NOVA1: variants seen among roughly 807,000 people sequenced by gnomAD.
NOVA1 encodes RNA-binding protein Nova-1.
In NOVA1, 7 loss-of-function variants were observed where a neutral mutation model predicts 38.0. The observed-to-expected ratio is 0.18, with a 90% CI of 0.10 to 0.35. NOVA1 has a LOEUF of 0.35. Ranked by LOEUF, NOVA1 falls within the 10% of genes least tolerant of loss-of-function variation. The probability of loss-of-function intolerance (pLI) is 1.00; values close to 1 mark genes in which losing one functional copy is unlikely to be tolerated. For synonymous variants in NOVA1, 270 were observed against 232.5 expected (o/e 1.16, Z -1.47); for missense variants, 460 against 616.0 (o/e 0.75, Z 2.68).
At chr14:26,591,757 A>C (rs1448587280) in intron 2 of NOVA1, among the ~76,000 whole-genome samples, 1 of 151,658 alleles carries the variant, frequency 6.6e-6, no homozygotes, top group East Asian at 1.9e-4. Flanking sequence ...TTCCCTACAA[A>C]AAAATTTCAC....
chr14:26,515,522 CTTTG>C (rs1301009521), intron 2 of NOVA1, among the ~76,000 whole-genome samples: 1 of 151,930 alleles, frequency 6.6e-6, no homozygotes, highest in African/African-American at 2.4e-5. Context: ...ACTCCAAATA[CTTTG>C]TTTAATAAAA....
intron 2 of NOVA1, among the ~76,000 whole-genome samples, chr14:26,491,678 T>G (rs1886360827): frequency 6.6e-6 from 1 of 152,186 alleles, no homozygotes. Flanking sequence ...AATCCAGGTG[T>G]CCCAACAACA....
At chr14:26,518,989 A>T in intron 2 of NOVA1, among the ~76,000 whole-genome samples, 1 of 152,090 alleles carries the variant, frequency 6.6e-6, no homozygotes, top group East Asian at 1.9e-4. Flanking sequence ...CTTCAGAAGG[A>T]AATACCTGGG....
intron 2 of NOVA1, among the ~76,000 whole-genome samples, chr14:26,492,248 T>C (rs1886403075): frequency 6.6e-6 from 1 of 152,230 alleles, no homozygotes; most frequent in Admixed American, 6.5e-5. Context: ...ATTTATTAGC[T>C]CTAGTGGCTT....
chr14:26,524,785 C>G (rs1889180570), intron 2 of NOVA1, among the ~76,000 whole-genome samples: 1 of 152,100 alleles, frequency 6.6e-6, no homozygotes, highest in Non-Finnish European at 1.5e-5. Context: ...AAGGGCATAA[C>G]TCAAGTAATC....
intron 2 of NOVA1, among the ~76,000 whole-genome samples, chr14:26,509,429 G>T (rs1421826721): frequency 6.6e-6 from 1 of 152,104 alleles, no homozygotes; most frequent in African/African-American, 2.4e-5. Context: ...ATTGTCAAAA[G>T]TTAGCAATTA....
At chr14:26,523,494 T>C (rs546347163) in intron 2 of NOVA1, among the ~76,000 whole-genome samples, 2 of 152,310 alleles carry the variant, frequency 1.3e-5, no homozygotes, top group South Asian at 4.1e-4. Flanking sequence ...AATTCCATGG[T>C]ATGGCAAACA....
chr14:26,522,740 A>G (rs1484109236), intron 2 of NOVA1, among the ~76,000 whole-genome samples: 1 of 152,174 alleles, frequency 6.6e-6, no homozygotes, highest in Non-Finnish European at 1.5e-5. Flanking sequence ...CACTCTGTGA[A>G]ATTGAGTGAA....
At chr14:26,559,433 G>A (rs1454500765) in intron 2 of NOVA1, among the ~76,000 whole-genome samples, 1 of 152,110 alleles carries the variant, frequency 6.6e-6, no homozygotes, top group Non-Finnish European at 1.5e-5. Context: ...AAATGATGTA[G>A]ACAGGTTTTT....
chr14:26,516,883 T>C (rs1196742388), intron 2 of NOVA1, among the ~76,000 whole-genome samples: 1 of 149,828 alleles, frequency 6.7e-6, no homozygotes, highest in African/African-American at 2.4e-5. Context: ...TTCTGGCCAC[T>C]GCCTAGCTCT....
Position 26,596,802 on chromosome 14 carries a change from C to A in NOVA1, c.136+499G>T, listed in dbSNP as rs549712430. On this transcript the variant is annotated intron_variant, in intron 1 of 4. Coordinates refer to ENST00000539517, the MANE Select transcript of NOVA1 (RefSeq NM_002515.3). Reference sequence around the variant, plus strand: ...CATGCACTCATCAAGATTTTGCATACTACTTGTGGCCCAAAGCAAGAGGAT... The same window carrying A: ...CATGCACTCATCAAGATTTTGCATAATACTTGTGGCCCAAAGCAAGAGGAT... 5 of 1,159,346 alleles carry A rather than the reference C, an allele frequency of 4.3e-6. No homozygotes were observed. In the African/African-American group the frequency reaches 8.1e-5, roughly 19 times the overall value. The allele number at this position is 1,159,346 out of a possible 1,614,324, so 71.8% of individuals were successfully genotyped here.
intron 2 of NOVA1, among the ~76,000 whole-genome samples, chr14:26,480,436 T>A (rs895589305): frequency 6.6e-6 from 1 of 152,090 alleles, no homozygotes; most frequent in African/African-American, 2.4e-5. Flanking sequence ...ATTGAGTACT[T>A]ATAAAAGAAC....
At chr14:26,533,284 G>T (rs955410949) in intron 2 of NOVA1, among the ~76,000 whole-genome samples, 1 of 152,006 alleles carries the variant, frequency 6.6e-6, no homozygotes, top group African/African-American at 2.4e-5. Context: ...TCTATTTGTA[G>T]CCCTCGCTTA....
rs756332619 is a variant in NOVA1 at position 26,447,954 on chromosome 14, G to A, written c.*5C>T. ...TTAAAACAATCTGATGTGTAACTGG[G>A]GCACTCAACCCACTTTCTGAGGATT... is the stretch of plus-strand genomic sequence containing the variant. On this transcript the variant is annotated 3_prime_UTR_variant, in exon 5 of 5. Coordinates refer to ENST00000539517, the MANE Select transcript of NOVA1 (RefSeq NM_002515.3). 55 of 1,612,648 alleles carry A rather than the reference G, an allele frequency of 3.4e-5. No homozygotes were observed. Among genetic ancestry groups the A allele is most frequent in the Non-Finnish European group, 4.2e-5 (49 of 1,178,862 alleles).
At chr14:26,509,444 T>A (rs972488566) in intron 2 of NOVA1, among the ~76,000 whole-genome samples, 1 of 152,156 alleles carries the variant, frequency 6.6e-6, no homozygotes, top group Non-Finnish European at 1.5e-5. Context: ...CAATTAAGTA[T>A]GAGAAGCAAT....
At chr14:26,582,585 C>CT (rs1893287835) in intron 2 of NOVA1, among the ~76,000 whole-genome samples, 1 of 151,640 alleles carries the variant, frequency 6.6e-6, no homozygotes, top group Non-Finnish European at 1.5e-5. Flanking sequence ...CCATTGCTGG[C>CT]AATACTAAAT....
At chr14:26,463,814 G>A (rs996763195) in intron 4 of NOVA1, among the ~76,000 whole-genome samples, 8 of 151,984 alleles carry the variant, frequency 5.3e-5, no homozygotes, top group Non-Finnish European at 8.8e-5. Context: ...CGTCTGAGGT[G>A]GAAATTTATT....
At chr14:26,564,928 C>T (rs1201979238) in intron 2 of NOVA1, among the ~76,000 whole-genome samples, 1 of 152,150 alleles carries the variant, frequency 6.6e-6, no homozygotes, top group Non-Finnish European at 1.5e-5. Context: ...ATGTATCACA[C>T]ATATACCTAA....
intron 2 of NOVA1, among the ~76,000 whole-genome samples, chr14:26,526,054 G>A (rs1889275800): frequency 6.6e-6 from 1 of 151,602 alleles, no homozygotes; most frequent in African/African-American, 2.4e-5. Context: ...TTCTACTGTT[G>A]CTTATTTAAG....
Sources: allele counts gnomAD v4.1 joint callset (sites outside exome capture counted in the v4.1 genomes callset), GRCh38; gene constraint gnomAD v4.1.1; transcripts MANE v1.5; gene names NCBI Gene and HGNC (gene_info 2026-07-23, HGNC 2026-07-21).